The following ARHGAP32 variants were observed in gnomAD, a reference collection of about 807,000 sequenced individuals.
The protein encoded by ARHGAP32 is rho GTPase-activating protein 32.
In ARHGAP32, 51 loss-of-function variants were observed where a neutral mutation model predicts 186.5. The observed-to-expected ratio is 0.27, with a 90% CI of 0.22 to 0.35. The LOEUF (loss-of-function observed/expected upper bound fraction) is 0.35. Among genes scored for constraint, ARHGAP32 ranks in the 10% least tolerant of loss-of-function variants. The pLI is 1.00. For missense variants in ARHGAP32, 2,186 were observed against 2,623.5 expected, an observed-to-expected ratio of 0.83 and a Z score of 3.64; for synonymous variants, 950 against 964.3, an observed-to-expected ratio of 0.99 and a Z score of 0.27.
intron 6 of ARHGAP32, among the ~76,000 whole-genome samples, chr11:129,090,417 A>G (rs1941541043): frequency 6.6e-6 from 1 of 152,224 alleles, no homozygotes; most frequent in Non-Finnish European, 1.5e-5. Flanking sequence ...CTTGATCTTC[A>G]GAAAAATCAA....
chr11:128,990,641 A>G (rs1237167932), intron 12 of ARHGAP32, among the ~76,000 whole-genome samples: 2 of 152,218 alleles, frequency 1.3e-5, no homozygotes, highest in Non-Finnish European at 2.9e-5. Flanking sequence ...TTTAATTGAT[A>G]TTAGAAGCAA....
At chr11:128,982,757 G>A (rs2136108230) in intron 15 of ARHGAP32, among the ~76,000 whole-genome samples, 1 of 151,878 alleles carries the variant, frequency 6.6e-6, no homozygotes, top group Non-Finnish European at 1.5e-5. Flanking sequence ...GGGTGTGGTG[G>A]TGCATGCCTG....
intron 2 of ARHGAP32, among the ~76,000 whole-genome samples, chr11:129,143,690 A>G (rs2135434318): frequency 6.6e-6 from 1 of 152,350 alleles, no homozygotes; most frequent in East Asian, 1.9e-4. Context: ...TGCTTCTGTA[A>G]GTGAAAAGGT....
At chr11:129,177,590 TG>T (rs1943948979) in intron 1 of ARHGAP32, among the ~76,000 whole-genome samples, 1 of 152,186 alleles carries the variant, frequency 6.6e-6, no homozygotes, top group Non-Finnish European at 1.5e-5. Flanking sequence ...TTATCCACCA[TG>T]ATCAAGTGGG....
At chr11:129,101,776 C>T (rs186106420) in intron 5 of ARHGAP32, among the ~76,000 whole-genome samples, 20 of 152,282 alleles carry the variant, frequency 1.3e-4, no homozygotes, top group Admixed American at 1.0e-3. Context: ...AATTGGAAAA[C>T]GTATTTCAGG....
At chr11:129,143,454 C>T (rs372568497) in intron 2 of ARHGAP32, among the ~76,000 whole-genome samples, 2 of 152,246 alleles carry the variant, frequency 1.3e-5, no homozygotes, top group South Asian at 2.1e-4. Flanking sequence ...AGTCCCGCAC[C>T]GCCCCACTCC....
intron 11 of ARHGAP32, among the ~76,000 whole-genome samples, chr11:129,011,013 T>C (rs948973864): frequency 1.3e-5 from 2 of 152,200 alleles, no homozygotes; most frequent in African/African-American, 4.8e-5. Context: ...TGAGTAAGTG[T>C]CTGCCATAAC....
chr11:129,100,532 A>AT (rs1256962783), intron 5 of ARHGAP32, among the ~76,000 whole-genome samples: 2 of 152,118 alleles, frequency 1.3e-5, no homozygotes, highest in Admixed American at 1.3e-4. Context: ...TTGCTGGCAC[A>AT]TGTCAGTATG....
chr11:129,259,032 T>C (rs1293616363), intron 1 of ARHGAP32, among the ~76,000 whole-genome samples: 1 of 152,134 alleles, frequency 6.6e-6, no homozygotes. Flanking sequence ...CCACTAGTCA[T>C]AAAGAGAACT....
rs1343365410 is a variant in ARHGAP32 at position 129,090,268 on chromosome 11, T to A, written c.531+3353A>T. Among the ~76,000 whole-genome samples, 3 of 152,192 alleles carry A rather than the reference T, an allele frequency of 2.0e-5. No homozygotes were observed. In the East Asian group the frequency reaches 5.8e-4, roughly 29 times the overall value. On this transcript the variant is annotated intron_variant, in intron 6 of 22. Coordinates refer to ENST00000682385, the MANE Select transcript of ARHGAP32 (RefSeq NM_001378024.1). ...TACTTAATATCAAGGAATGCATTTT[T>A]GATGATGGAATTTCAAGCATGAGAA...
At chr11:129,264,056 T>C (rs1945359723) in intron 1 of ARHGAP32, among the ~76,000 whole-genome samples, 1 of 152,172 alleles carries the variant, frequency 6.6e-6, no homozygotes, top group African/African-American at 2.4e-5. Context: ...GTATTCACCC[T>C]TAAAAAAGAA....
chr11:129,167,483 G>A (rs932960117), intron 1 of ARHGAP32, among the ~76,000 whole-genome samples: 2 of 152,104 alleles, frequency 1.3e-5, no homozygotes, highest in East Asian at 3.9e-4. Flanking sequence ...AGCAACTGAA[G>A]GATAAATAAG....
rs543795730 is a variant in ARHGAP32, at chr11:129,094,253, A to T, written c.445-546T>A. 1.1e-4 allele frequency among the ~76,000 whole-genome samples: 17 copies of T among 152,322 alleles called. No individual in the cohort carries two copies. The South Asian group carries it at 3.5e-3, about 32-fold the overall frequency. ...AACTAGATTGTCTGTAACACAAAGG[A>T]TAAATGCTTGAAGGATGGATACCCC... is the stretch of plus-strand genomic sequence containing the variant. On this transcript the variant is annotated intron_variant, in intron 5 of 22. Transcript: ENST00000682385.
At chr11:128,990,513 A>G (rs934908872) in intron 12 of ARHGAP32, among the ~76,000 whole-genome samples, 2 of 152,184 alleles carry the variant, frequency 1.3e-5, no homozygotes, top group Admixed American at 1.3e-4. Context: ...ATATGAATAC[A>G]TTTTCAACTA....
At chr11:129,206,825 T>C (rs954299019) in intron 1 of ARHGAP32, among the ~76,000 whole-genome samples, 3 of 151,932 alleles carry the variant, frequency 2.0e-5, no homozygotes, top group Admixed American at 6.6e-5. Context: ...TACATAGGTA[T>C]ACATGTGCCA....
chr11:129,098,900 T>C lies in ARHGAP32; in HGVS notation c.445-5193A>G, dbSNP rs12293728. ...AATTTAAACTGGCATAAATTCAAATTTGAATGTTATAACTTTAGAATGTTA... is the reference window on the plus strand; with the variant it reads ...AATTTAAACTGGCATAAATTCAAATCTGAATGTTATAACTTTAGAATGTTA... On this transcript the variant is annotated intron_variant, in intron 5 of 22. Transcript: ENST00000682385. 5.8e-3 allele frequency among the ~76,000 whole-genome samples: 878 copies of C among 152,208 alleles called. 4 individuals carry two copies. Among genetic ancestry groups the C allele is most frequent in the African/African-American group, 0.02 (830 of 41,518 alleles).
At chr11:129,104,991 C>A (rs1207848135) in intron 5 of ARHGAP32, among the ~76,000 whole-genome samples, 1 of 152,172 alleles carries the variant, frequency 6.6e-6, no homozygotes, top group Admixed American at 6.5e-5. Flanking sequence ...AGACCCTATT[C>A]ACAAACTATT....
intron 12 of ARHGAP32, among the ~76,000 whole-genome samples, chr11:128,996,609 ACTG>A (rs924747776): frequency 2.6e-5 from 4 of 152,088 alleles, no homozygotes; most frequent in African/African-American, 7.2e-5. Context: ...TTTTTTCAAA[ACTG>A]CTATTTAATT....
intron 11 of ARHGAP32, among the ~76,000 whole-genome samples, chr11:128,999,880 C>A (rs1049700099): frequency 6.6e-6 from 1 of 152,154 alleles, no homozygotes; most frequent in Non-Finnish European, 1.5e-5. Context: ...ATAAGAGGAA[C>A]CTGAGTTTTA....
Sources: gnomAD v4.1 joint callset for allele counts (sites outside exome capture counted in the v4.1 genomes callset) on GRCh38, gnomAD v4.1.1 for gene constraint, MANE v1.5 for transcripts, NCBI Gene and HGNC (gene_info 2026-07-23, HGNC 2026-07-21) for gene names.